The following KIAA1210 variants were observed in gnomAD, a reference collection of about 807,000 sequenced individuals.
The protein encoded by KIAA1210 is KIAA1210.
In KIAA1210, 48 loss-of-function variants were observed where a neutral mutation model predicts 78.9. The ratio of observed to expected loss-of-function variants is 0.61; its 90% CI spans 0.48 to 0.77. KIAA1210 has a LOEUF of 0.77. Ranked by LOEUF, KIAA1210 falls within the 30% of genes least tolerant of loss-of-function variation. The pLI is 0.00. For missense variants in KIAA1210, 1,108 were observed against 1,100.0 expected (o/e 1.01, Z -0.10); for synonymous variants, 406 against 404.5 (o/e 1.00, Z -0.04).
rs1238861717 is a variant in KIAA1210, at chrX:119,088,537, G to A, written c.2165C>T (p.Thr722Ile). 3 of 1,209,547 alleles carry A rather than the reference G, an allele frequency of 2.5e-6. No homozygotes were observed. Among genetic ancestry groups the A allele is most frequent in the African/African-American group, 3.5e-5 (2 of 57,265 alleles). ...QQEVSSASNN[T>I]PEEQNDFMQQ... ...CATAAAATCATTCTGCTCTTCAGGA[G>A]TATTATTTGAAGCAGAGGAGACTTC... Residue 722 changes from threonine to isoleucine, a missense_variant, in exon 9 of 12, where the codon ACT becomes ATT. By Grantham distance (89) the Thr-to-Ile change is moderately conservative. Around this residue, in one of 5 missense-constraint regions of KIAA1210, gnomAD observed 672 missense variants for 607.1 expected, o/e 1.11. Transcript: ENST00000691062.
Position 119,120,615 on chromosome X carries a change from T to C in KIAA1210, c.61+2967A>G, listed in dbSNP as rs149570162. ...AAAATGACTAGTGACTTTGGAACTGTAACAGGTGCTGAAAGTTAAGTATGC... is the reference window on the plus strand; with the variant it reads ...AAAATGACTAGTGACTTTGGAACTGCAACAGGTGCTGAAAGTTAAGTATGC... On this transcript the variant is annotated intron_variant, in intron 2 of 11. Transcript: ENST00000691062. Among the ~76,000 whole-genome samples the C allele has an allele frequency of 8.3e-3, 930 of 112,633 alleles. 15 individuals are homozygous for C. Among genetic ancestry groups the C allele is most frequent in the African/African-American group, 0.028 (873 of 31,000 alleles).
chrX:119,145,265 C>G (rs1929139856), intron 2 of KIAA1210, among the ~76,000 whole-genome samples: 1 of 110,739 alleles, frequency 9.0e-6, no homozygotes, highest in African/African-American at 3.3e-5. Flanking sequence ...ACATTTGGGG[C>G]TGCAAAATTC....
At position 119,079,352 on chromosome X, in the gene KIAA1210, G is replaced by C. The variant is rs1294428961; in HGVS notation, c.*1977C>G. ...TGATAACTACTCAGAAGTCACTTCT[G>C]GGTCTCCTAGAAAAATGAGCTAGGT... On this transcript the variant is annotated 3_prime_UTR_variant, in exon 12 of 12. Transcript: ENST00000691062. 2 of 111,933 alleles carry C rather than the reference G, an allele frequency of 1.8e-5. No homozygotes were observed. 9.2% of individuals were successfully genotyped at this position (111,933 alleles called of 1,213,427 possible).
intron 1 of KIAA1210, among the ~76,000 whole-genome samples, chrX:119,125,735 A>ATATATATATATATATATAT (rs5903546): frequency 3.2e-4 from 5 of 15,792 alleles, no homozygotes; most frequent in East Asian, 2.5e-3. Flanking sequence ...ATATATATAT[A>ATATATATATATATATATAT]TTTTTTTTTT....
At chrX:119,101,498 T>A (rs1361965048) in intron 6 of KIAA1210, among the ~76,000 whole-genome samples, 1 of 110,755 alleles carries the variant, frequency 9.0e-6, no homozygotes, top group Non-Finnish European at 1.9e-5. Context: ...AAGAAGCGAC[T>A]CTTGGTGGGA....
At chrX:119,115,999 A>G (rs1928249325) in intron 3 of KIAA1210, among the ~76,000 whole-genome samples, 1 of 110,535 alleles carries the variant, frequency 9.0e-6, no homozygotes, top group Admixed American at 9.6e-5. Flanking sequence ...GACCCACCCC[A>G]CTCCCAGCTA....
chrX:119,090,707 A>G (rs941177564), intron 8 of KIAA1210, among the ~76,000 whole-genome samples: 1 of 110,337 alleles, frequency 9.1e-6, no homozygotes, highest in African/African-American at 3.3e-5. Context: ...TGCAGATTGG[A>G]GGCATTGTTA....
chrX:119,150,359 A>G (rs768192819), exon 1 of KIAA1210: 14 of 1,207,733 alleles, frequency 1.2e-5, no homozygotes, highest in Non-Finnish European at 1.6e-5. Context: ...AGGTATTTCC[A>G]GGTCAGTCAC....
chrX:119,138,477 C>A (rs1417109943), intron 2 of KIAA1210, among the ~76,000 whole-genome samples: 3 of 111,039 alleles, frequency 2.7e-5, no homozygotes, highest in Middle Eastern at 4.7e-3. Context: ...CCTTGGCCTC[C>A]AAAAGTGCTA....
intron 8 of KIAA1210, among the ~76,000 whole-genome samples, chrX:119,091,840 C>T (rs141406002): frequency 7.1e-4 from 80 of 111,900 alleles, no homozygotes; most frequent in African/African-American, 2.1e-3. Flanking sequence ...ACCCAGGAAT[C>T]GAAAACCAAA....
In KIAA1210 at chrX:119,108,602, C is replaced by T. The variant is rs958456159; in HGVS notation, c.358-131G>A. On this transcript the variant is annotated intron_variant, in intron 4 of 11. Coordinates refer to ENST00000691062, the MANE Select transcript of KIAA1210 (RefSeq NM_001394962.1). The stretch of plus-strand genomic sequence containing the variant: ...AATATAGGCCAGGCACGGTGGCTCG[C>T]GCATGTAATCCCAGCACTTTGAGAG... 4.5e-5 allele frequency: 36 copies of T among 796,045 alleles called. 1 individual carries two copies. The Middle Eastern group carries it at 1.5e-3, about 34-fold the overall frequency. The allele number at this position is 796,045 out of a possible 1,213,427, so 65.6% of individuals were successfully genotyped here. A position where few individuals can be genotyped will look rare whatever the true frequency, so the allele number is the denominator to read the frequency against.
chrX:119,088,659 A>C lies in KIAA1210; in HGVS notation c.2043T>G (p.Val681=). The change falls in exon 9 of 12, where the codon GTT becomes GTG. Residue 681 remains valine (V), a synonymous_variant. Transcript: ENST00000691062. ...AATCATCAGAAGTGTTGTACTTTTC[A>C]ACATAACTGCTTGATTCTGTGAAGA... ...AEVFTESSSY[V]EKYNTSDDCS... 1.7e-6 allele frequency: 2 copies of C among 1,211,124 alleles called. No homozygotes were observed. Among genetic ancestry groups the C allele is most frequent in the Non-Finnish European group, 2.2e-6 (2 of 895,234 alleles).
At chrX:119,104,267 G>A (rs1204022866) in intron 6 of KIAA1210, among the ~76,000 whole-genome samples, 1 of 112,175 alleles carries the variant, frequency 8.9e-6, no homozygotes, top group Non-Finnish European at 1.9e-5. Context: ...CCTACTACCA[G>A]TCTGTGCTTT....
At chrX:119,100,447 G>A (rs998353788) in intron 6 of KIAA1210, among the ~76,000 whole-genome samples, 6 of 109,638 alleles carry the variant, frequency 5.5e-5, no homozygotes, top group Non-Finnish European at 1.1e-4. Context: ...AAAACGAGTG[G>A]AGAAAGTGGG....
chrX:119,081,266 C>CAA lies in KIAA1210; in HGVS notation c.*61_*62dup, dbSNP rs10714793. The CAA allele has an allele frequency of 9.2e-3, 5,055 of 549,848 alleles. No individual in the cohort carries two copies. Among genetic ancestry groups the CAA allele is most frequent in the African/African-American group, 0.016 (344 of 21,335 alleles). The allele number at this position is 549,848 out of a possible 1,213,427, so 45.3% of individuals were successfully genotyped here. A position where few individuals can be genotyped will look rare whatever the true frequency, so the allele number is the denominator to read the frequency against. On this transcript the variant is annotated 3_prime_UTR_variant, in exon 12 of 12. Transcript: ENST00000691062. ...TGGGTAACAGAGCGAGACTCTGTCTCAAAAAAAAAAAAAAAAAAAAAAACT... is the reference window on the plus strand; with the variant it reads ...TGGGTAACAGAGCGAGACTCTGTCTCAAAAAAAAAAAAAAAAAAAAAAAAACT...
At chrX:119,112,286 G>A (rs1031118789) in intron 3 of KIAA1210, among the ~76,000 whole-genome samples, 2 of 111,302 alleles carry the variant, frequency 1.8e-5, no homozygotes, top group African/African-American at 3.3e-5. Context: ...AAAAATGTTC[G>A]TGCATCAAAG....
chrX:119,081,504 A>G lies in KIAA1210; in HGVS notation c.4427T>C (p.Val1476Ala). The part of the protein sequence containing the change: ...QMKPPKPTKS[V>A]GFEAQKILQV... ...CAGTATCTTCTGAGCTTCAAATCCA[A>G]CTGGAACCACAGCAAATAACACACA... The change falls in exon 12 of 12, where the codon GTT becomes GCT. Residue 1476 changes from valine to alanine, a missense_variant and splice_region_variant. Physicochemically the swap from Val to Ala is moderately conservative, Grantham distance 64. This residue lies in a region of KIAA1210 where 245 missense variants were observed against 278.8 expected (regional missense o/e 0.88). Transcript: ENST00000691062. 2 of 1,204,499 alleles carry G rather than the reference A, an allele frequency of 1.7e-6. No individual in the cohort carries two copies. The highest frequency in any genetic ancestry group is 2.2e-6 in the Non-Finnish European group (2 of 891,979).
At chrX:119,136,048 T>C (rs1928905900) in intron 2 of KIAA1210, among the ~76,000 whole-genome samples, 1 of 82,155 alleles carries the variant, frequency 1.2e-5, no homozygotes, top group Non-Finnish European at 2.4e-5. Flanking sequence ...CAAGATTCCA[T>C]CTAAAACAAA....
upstream of KIAA1210, among the ~76,000 whole-genome samples, chrX:119,130,232 C>A (rs1928757865): frequency 8.9e-6 from 1 of 112,255 alleles, no homozygotes; most frequent in Non-Finnish European, 1.9e-5. Context: ...GGGGTCCAGT[C>A]TCCCAGCAGC....
Sources: allele counts gnomAD v4.1 joint callset (sites outside exome capture counted in the v4.1 genomes callset), GRCh38; gene constraint gnomAD v4.1.1; regional missense constraint gnomAD v4.1.1; transcripts MANE v1.5; gene names NCBI Gene and HGNC (gene_info 2026-07-23, HGNC 2026-07-21).